The following TBL1XR1 variants were observed in gnomAD, a reference collection of about 807,000 sequenced individuals.
The protein encoded by TBL1XR1 is TBL1X/Y related 1.
Under a neutral mutation model 66.9 loss-of-function variants are expected in TBL1XR1, and 5 were observed. That is an observed-to-expected ratio of 0.07 (90% CI 0.04 to 0.16). The LOEUF is 0.16. Among genes scored for constraint, TBL1XR1 ranks in the 10% least tolerant of loss-of-function variants. The probability of loss-of-function intolerance (pLI) is 1.00; values close to 1 mark genes in which losing one functional copy is unlikely to be tolerated. For missense variants in TBL1XR1, 238 were observed against 623.2 expected (o/e 0.38, Z 6.58); for synonymous variants, 210 against 206.0 (o/e 1.02, Z -0.17).
intron 3 of TBL1XR1, among the ~76,000 whole-genome samples, chr3:177,055,560 T>TGGGGGGGGGGGG (rs1300586850): frequency 5.5e-4 from 1 of 1,820 alleles, no homozygotes; most frequent in Non-Finnish European, 1.3e-3. Flanking sequence ...GGGGCGGGGG[T>TGGGGGGGGGGGG]GGGGGGGTGG....
chr3:177,178,005 T>C (rs1467528968), intron 1 of TBL1XR1, among the ~76,000 whole-genome samples: 1 of 152,178 alleles, frequency 6.6e-6, no homozygotes, highest in Non-Finnish European at 1.5e-5. Flanking sequence ...GTGTTGGCAT[T>C]GGAACTGAGA....
chr3:177,159,085 T>C (rs1256399833), intron 1 of TBL1XR1, among the ~76,000 whole-genome samples: 1 of 152,208 alleles, frequency 6.6e-6, no homozygotes, highest in African/African-American at 2.4e-5. Flanking sequence ...AAGAATTTTT[T>C]ATTTTTAATT....
At chr3:177,025,626 G>T in intron 15 of TBL1XR1, 102 bp from the exon 16 acceptor site, 2 of 1,135,814 alleles carry the variant, frequency 1.8e-6, no homozygotes, top group South Asian at 1.4e-5. Flanking sequence ...TTAGTTCCAA[G>T]TTTATAAAAT....
chr3:177,167,776 C>T (rs1254590235), intron 1 of TBL1XR1, among the ~76,000 whole-genome samples: 6 of 151,986 alleles, frequency 3.9e-5, no homozygotes, highest in African/African-American at 1.4e-4. Context: ...ACTAAAAATA[C>T]AAAAATTAGC....
At position 177,029,668 on chromosome 3, in the gene TBL1XR1, G is replaced by C. The variant is rs6784046; in HGVS notation, c.1417-3194C>G. Among the ~76,000 whole-genome samples, 15 of 152,146 alleles carry C rather than the reference G, an allele frequency of 9.9e-5. 1 individual carries two copies. The South Asian group carries it at 2.9e-3, about 29-fold the overall frequency. On this transcript the variant is annotated intron_variant, in intron 14 of 15. Coordinates refer to ENST00000457928, the MANE Select transcript of TBL1XR1 (RefSeq NM_024665.7). The stretch of plus-strand genomic sequence containing the variant: ...AAAAAACCCCACAAAACTTCTACGT[G>C]ATAAACACTCCACATGAAGAAAATA...
intron 2 of TBL1XR1, among the ~76,000 whole-genome samples, chr3:177,083,571 A>G (rs1721715329): frequency 6.6e-6 from 1 of 152,220 alleles, no homozygotes; most frequent in Admixed American, 6.5e-5. Flanking sequence ...AATATCATTC[A>G]CTGGTCTCTA....
intron 1 of TBL1XR1, among the ~76,000 whole-genome samples, chr3:177,150,341 A>T (rs538782027): frequency 6.6e-6 from 1 of 152,328 alleles, no homozygotes; most frequent in African/African-American, 2.4e-5. Context: ...CAGAGTACAG[A>T]GTCCTCAATT....
At chr3:177,172,633 A>AAGAGAGAG (rs56803746) in intron 1 of TBL1XR1, among the ~76,000 whole-genome samples, 92 of 117,408 alleles carry the variant, frequency 7.8e-4, no homozygotes, top group Non-Finnish European at 6.1e-4. Flanking sequence ...AGAAAGAGAG[A>AAGAGAGAG]AGAGAGAGAG....
chr3:177,127,076 C>T (rs959472081), intron 1 of TBL1XR1, among the ~76,000 whole-genome samples: 4 of 152,160 alleles, frequency 2.6e-5, no homozygotes, highest in African/African-American at 7.2e-5. Flanking sequence ...GAGTAATCTG[C>T]CACAGATTAT....
At chr3:177,094,816 G>A (rs1017422702) in intron 2 of TBL1XR1, among the ~76,000 whole-genome samples, 1 of 151,958 alleles carries the variant, frequency 6.6e-6, no homozygotes, top group Non-Finnish European at 1.5e-5. Flanking sequence ...TTGTGGACTA[G>A]GGGGAAAGGG....
At chr3:177,187,167 A>AT (rs908478023) in intron 1 of TBL1XR1, among the ~76,000 whole-genome samples, 1 of 29,582 alleles carries the variant, frequency 3.4e-5, no homozygotes, top group African/African-American at 8.5e-5. Context: ...ACTCTGTCTC[A>AT]AAAAAAAAAA....
At chr3:177,058,597 C>T (rs1718106062) in intron 3 of TBL1XR1, among the ~76,000 whole-genome samples, 1 of 152,168 alleles carries the variant, frequency 6.6e-6, no homozygotes, top group Admixed American at 6.5e-5. Context: ...TAGGCTTTTG[C>T]CATGTACAAT....
chr3:177,046,483 T>G (rs1716338352), intron 9 of TBL1XR1, among the ~76,000 whole-genome samples: 1 of 152,146 alleles, frequency 6.6e-6, no homozygotes, highest in South Asian at 2.1e-4. Flanking sequence ...TCCATTGTAA[T>G]AGTACATTTA....
intron 1 of TBL1XR1, among the ~76,000 whole-genome samples, chr3:177,106,428 G>A (rs963141617): frequency 7.2e-5 from 11 of 152,196 alleles, no homozygotes; most frequent in East Asian, 5.8e-4. Flanking sequence ...TATTATCAGC[G>A]CCAGCACTAG....
chr3:177,019,519 T>C lies in TBL1XR1; in HGVS notation c.*5979A>G, dbSNP rs890369356. 3.9e-5 allele frequency: 6 copies of C among 152,204 alleles called. No homozygotes were observed. The highest frequency in any genetic ancestry group is 1.4e-4 in the African/African-American group (6 of 41,460). The allele number at this position is 152,204 out of a possible 1,614,324, so 9.4% of individuals were successfully genotyped here. Reference sequence around the variant, plus strand: ...AAAGTAGCATAGGGTTAACATTTCATTGATGACAAAGCACTTTGGTACAGC... The same window carrying C: ...AAAGTAGCATAGGGTTAACATTTCACTGATGACAAAGCACTTTGGTACAGC... On this transcript the variant is annotated 3_prime_UTR_variant, in exon 16 of 16. Coordinates refer to ENST00000457928, the MANE Select transcript of TBL1XR1 (RefSeq NM_024665.7).
chr3:177,069,360 A>C (rs1299355504), intron 2 of TBL1XR1, among the ~76,000 whole-genome samples: 1 of 152,206 alleles, frequency 6.6e-6, no homozygotes, highest in Non-Finnish European at 1.5e-5. Context: ...CTCATTAAGA[A>C]ATATTTCAGT....
chr3:177,083,167 A>C (rs1366168918), intron 2 of TBL1XR1, among the ~76,000 whole-genome samples: 1 of 152,196 alleles, frequency 6.6e-6, no homozygotes, highest in Non-Finnish European at 1.5e-5. Context: ...TGGTCAATTA[A>C]GAGAGTGGAA....
intron 14 of TBL1XR1, among the ~76,000 whole-genome samples, chr3:177,031,048 G>T (rs893683249): frequency 5.3e-5 from 8 of 152,166 alleles, no homozygotes; most frequent in Non-Finnish European, 1.0e-4. Flanking sequence ...GGAGGTGGAG[G>T]TTGCAGTTAG....
chr3:177,118,911 A>C (rs535889409), intron 1 of TBL1XR1, among the ~76,000 whole-genome samples: 1 of 152,346 alleles, frequency 6.6e-6, no homozygotes, highest in East Asian at 1.9e-4. Context: ...CTCAAGAAAA[A>C]TGGGACCTAT....
Sources: allele counts gnomAD v4.1 joint callset (sites outside exome capture counted in the v4.1 genomes callset), GRCh38; gene constraint gnomAD v4.1.1; transcripts MANE v1.5; gene names NCBI Gene and HGNC (gene_info 2026-07-23, HGNC 2026-07-21).